TSPAN5: variants seen among roughly 807,000 people sequenced by gnomAD.
TSPAN5 encodes tetraspanin-5.
In TSPAN5, 10 loss-of-function variants were observed where a neutral mutation model predicts 37.1. The observed-to-expected ratio is 0.27, with a 90% CI of 0.17 to 0.46. TSPAN5 has a LOEUF of 0.46. Ranked by LOEUF, TSPAN5 falls within the 20% of genes least tolerant of loss-of-function variation. The pLI is 1.00. For missense variants in TSPAN5, 195 were observed against 326.6 expected (o/e 0.60, Z 3.11); for synonymous variants, 110 against 118.9 (o/e 0.93, Z 0.48).
intron 2 of TSPAN5, among the ~76,000 whole-genome samples, chr4:98,493,073 AG>A (rs1753119614): frequency 6.6e-6 from 1 of 152,148 alleles, no homozygotes; most frequent in Non-Finnish European, 1.5e-5. Context: ...GCTACTTGGG[AG>A]GCTGAGGCAG....
chr4:98,501,686 A>G (rs560626871), intron 2 of TSPAN5, among the ~76,000 whole-genome samples: 133 of 152,294 alleles, frequency 8.7e-4, no homozygotes, highest in African/African-American at 3.1e-3. Context: ...TGCGGGAGGA[A>G]TAGCAAGTTG....
intron 1 of TSPAN5, among the ~76,000 whole-genome samples, chr4:98,577,768 A>G (rs1160271031): frequency 6.6e-6 from 1 of 152,184 alleles, no homozygotes; most frequent in Non-Finnish European, 1.5e-5. Flanking sequence ...GGCTGTGTCA[A>G]TTGGCTGTGT....
intron 1 of TSPAN5, among the ~76,000 whole-genome samples, chr4:98,626,886 G>GTTTTTTTTTTT (rs34770397): frequency 4.8e-5 from 4 of 83,472 alleles, no homozygotes; most frequent in African/African-American, 9.9e-5. Context: ...ATGAGAGCAG[G>GTTTTTTTTTTT]TTTTTTTTTT....
chr4:98,640,157 TAA>T (rs1756934278), intron 1 of TSPAN5, among the ~76,000 whole-genome samples: 1 of 152,118 alleles, frequency 6.6e-6, no homozygotes, highest in Non-Finnish European at 1.5e-5. Context: ...CATGCAAATA[TAA>T]ATTCAATTAG....
intron 1 of TSPAN5, among the ~76,000 whole-genome samples, chr4:98,556,760 T>C (rs940324474): frequency 3.9e-5 from 6 of 152,168 alleles, no homozygotes; most frequent in Non-Finnish European, 7.4e-5. Context: ...CTTCTGTGGA[T>C]TGAGATAGGC....
intron 2 of TSPAN5, among the ~76,000 whole-genome samples, chr4:98,491,602 C>T (rs1753087102): frequency 6.6e-6 from 1 of 151,160 alleles, no homozygotes; most frequent in South Asian, 2.1e-4. Flanking sequence ...GCAGGAGAAT[C>T]GCTTGAACCC....
intron 5 of TSPAN5, among the ~76,000 whole-genome samples, chr4:98,477,942 G>C (rs1752744431): frequency 6.6e-6 from 1 of 152,130 alleles, no homozygotes; most frequent in African/African-American, 2.4e-5. Context: ...TTACAGGTGT[G>C]AACTACTATG....
intron 1 of TSPAN5, among the ~76,000 whole-genome samples, chr4:98,540,144 A>C (rs1037528892): frequency 1.3e-5 from 2 of 152,198 alleles, no homozygotes; most frequent in Non-Finnish European, 2.9e-5. Flanking sequence ...TAAGCTGCTA[A>C]ATTCTGGGGT....
intron 1 of TSPAN5, among the ~76,000 whole-genome samples, chr4:98,565,203 G>A (rs1022541500): frequency 3.9e-5 from 6 of 152,038 alleles, no homozygotes; most frequent in Admixed American, 3.9e-4. Context: ...TCCTTTTGAC[G>A]GTTGGTGTTT....
intron 1 of TSPAN5, among the ~76,000 whole-genome samples, chr4:98,608,595 A>G (rs1324041841): frequency 1.3e-5 from 2 of 152,108 alleles, no homozygotes; most frequent in African/African-American, 4.8e-5. Flanking sequence ...ACCTGACCCC[A>G]ATGAGGATGC....
intron 1 of TSPAN5, among the ~76,000 whole-genome samples, chr4:98,521,846 T>TG (rs1002570767): frequency 2.0e-4 from 11 of 55,436 alleles, no homozygotes; most frequent in African/African-American, 5.3e-4. Context: ...GTGGGTTCTG[T>TG]TTTTTTTGTT....
At chr4:98,546,263 T>C (rs1380367916) in intron 1 of TSPAN5, among the ~76,000 whole-genome samples, 1 of 152,116 alleles carries the variant, frequency 6.6e-6, no homozygotes, top group East Asian at 1.9e-4. Flanking sequence ...CTCCAGAATA[T>C]CAGAAGTGTT....
intron 3 of TSPAN5, chr4:98,484,870 T>C (rs1404039534): frequency 4.3e-6 from 1 of 231,710 alleles, no homozygotes; most frequent in African/African-American, 2.3e-5. Flanking sequence ...CCCAGCACTT[T>C]GGGAGGCTGA....
intron 1 of TSPAN5, among the ~76,000 whole-genome samples, chr4:98,656,987 T>C (rs1757306768): frequency 6.6e-6 from 1 of 152,156 alleles, no homozygotes; most frequent in Admixed American, 6.5e-5. Flanking sequence ...AGTTGGAGCA[T>C]TGTTTACCTC....
intron 1 of TSPAN5, among the ~76,000 whole-genome samples, chr4:98,608,417 A>G (rs1005396248): frequency 1.3e-5 from 2 of 152,172 alleles, no homozygotes; most frequent in Non-Finnish European, 2.9e-5. Context: ...GGCAGGTAAA[A>G]TAAGTCTCCA....
chr4:98,590,531 A>T (rs1284283690), intron 1 of TSPAN5, among the ~76,000 whole-genome samples: 1 of 152,052 alleles, frequency 6.6e-6, no homozygotes, highest in East Asian at 1.9e-4. Context: ...TAACACGCTG[A>T]AACCCCGTCT....
chr4:98,517,235 G>A (rs1347216302), intron 1 of TSPAN5, among the ~76,000 whole-genome samples: 3 of 152,136 alleles, frequency 2.0e-5, no homozygotes, highest in Non-Finnish European at 2.9e-5. Flanking sequence ...CAGTTGTTCT[G>A]AACTACTGGG....
At chr4:98,548,022 A>AAAAAG (rs1754510328) in intron 1 of TSPAN5, among the ~76,000 whole-genome samples, 2 of 140,472 alleles carry the variant, frequency 1.4e-5, no homozygotes, top group African/African-American at 5.4e-5. Context: ...AAAAAAAAAA[A>AAAAAG]AAAAAGAAAA....
chr4:98,579,700 T>C (rs891666595), intron 1 of TSPAN5, among the ~76,000 whole-genome samples: 2 of 152,234 alleles, frequency 1.3e-5, no homozygotes, highest in African/African-American at 4.8e-5. Context: ...CCAATCCTGC[T>C]TTTCAAGAGT....
Sources: gnomAD v4.1 joint callset for allele counts (sites outside exome capture counted in the v4.1 genomes callset) on GRCh38, gnomAD v4.1.1 for gene constraint, MANE v1.5 for transcripts, NCBI Gene and HGNC (gene_info 2026-07-23, HGNC 2026-07-21) for gene names.